Variants in MAPKAP1 observed in about 807,000 individuals in gnomAD.
MAPKAP1 encodes MAPK associated protein 1.
A neutral mutation model predicts 65.7 loss-of-function variants in MAPKAP1; 20 were observed. That is an observed-to-expected ratio of 0.30 (90% CI 0.21 to 0.44). The LOEUF is 0.44. Among genes scored for constraint, MAPKAP1 ranks in the 20% least tolerant of loss-of-function variants. The pLI, the probability that MAPKAP1 is intolerant of heterozygous loss-of-function variation, is 1.00. For synonymous variants in MAPKAP1, 222 were observed against 244.3 expected (o/e 0.91, Z 0.85); for missense variants, 423 against 648.0 (o/e 0.65, Z 3.77).
At chr9:125,608,295 A>G (rs1832499016) in intron 4 of MAPKAP1, among the ~76,000 whole-genome samples, 1 of 152,152 alleles carries the variant, frequency 6.6e-6, no homozygotes, top group African/African-American at 2.4e-5. Flanking sequence ...TGTTAGTCTG[A>G]TCATTTATTT....
intron 4 of MAPKAP1, among the ~76,000 whole-genome samples, chr9:125,628,921 A>G (rs562669081): frequency 2.6e-5 from 4 of 152,134 alleles, no homozygotes; most frequent in Non-Finnish European, 5.9e-5. Flanking sequence ...TAAAATGGGC[A>G]AAGGACTTGC....
chr9:125,505,803 A>G (rs1204808919), intron 8 of MAPKAP1: 1 of 168,072 alleles, frequency 5.9e-6, no homozygotes, highest in African/African-American at 2.4e-5. Flanking sequence ...CAGTGGGAGT[A>G]TGGAGGAGAG....
intron 5 of MAPKAP1, among the ~76,000 whole-genome samples, chr9:125,566,468 G>A (rs1410170192): frequency 6.6e-6 from 1 of 152,176 alleles, no homozygotes; most frequent in Non-Finnish European, 1.5e-5. Context: ...AGGAGGTGAA[G>A]TGCGAGGATA....
At chr9:125,476,398 G>A (rs1288713941) in intron 9 of MAPKAP1, among the ~76,000 whole-genome samples, 3 of 152,136 alleles carry the variant, frequency 2.0e-5, no homozygotes, top group Middle Eastern at 3.4e-3. Context: ...TGTGACGCAC[G>A]CCTCCTCCTG....
At chr9:125,605,728 TGTTCTCCTTA>T (rs1192547980) in intron 4 of MAPKAP1, among the ~76,000 whole-genome samples, 2 of 152,190 alleles carry the variant, frequency 1.3e-5, no homozygotes, top group Non-Finnish European at 1.5e-5. Context: ...TCAGAAAAGA[TGTTCTCCTTA>T]ATTATTCTCC....
In MAPKAP1 at chr9:125,542,973, C is replaced by G. The variant is rs78809014; in HGVS notation, c.958+86G>C. On this transcript the variant is annotated intron_variant, in intron 7 of 11. Coordinates refer to ENST00000265960, the MANE Select transcript of MAPKAP1 (RefSeq NM_001006617.3). ...AGCAATGACATCTGAAAGAATCTAGCCAGCCATCACACACACACACCCCCT... is the reference window on the plus strand; with the variant it reads ...AGCAATGACATCTGAAAGAATCTAGGCAGCCATCACACACACACACCCCCT... 3.4e-3 allele frequency: 3,126 copies of G among 909,904 alleles called. 63 individuals carry two copies. In the East Asian group the frequency reaches 0.039, roughly 11 times the overall value. The allele number at this position is 909,904 out of a possible 1,614,324, so 56.4% of individuals were successfully genotyped here.
intron 7 of MAPKAP1, among the ~76,000 whole-genome samples, chr9:125,518,098 T>C (rs1017937446): frequency 6.6e-6 from 1 of 152,236 alleles, no homozygotes; most frequent in Non-Finnish European, 1.5e-5. Context: ...ATCTACTTCT[T>C]CTAGCTAATA....
intron 1 of MAPKAP1, among the ~76,000 whole-genome samples, chr9:125,673,966 T>C (rs62567182): frequency 3.2e-5 from 3 of 94,112 alleles, no homozygotes; most frequent in Non-Finnish European, 5.0e-5. Context: ...AAACAAAACA[T>C]ACAAAAAACA....
At chr9:125,538,349 A>G (rs1015429968) in intron 7 of MAPKAP1, among the ~76,000 whole-genome samples, 3 of 152,204 alleles carry the variant, frequency 2.0e-5, no homozygotes, top group African/African-American at 7.2e-5. Context: ...AAATGGATTC[A>G]GGATATATTC....
intron 1 of MAPKAP1, among the ~76,000 whole-genome samples, chr9:125,701,191 C>T (rs1037722744): frequency 3.9e-5 from 6 of 152,208 alleles, no homozygotes; most frequent in Non-Finnish European, 8.8e-5. Flanking sequence ...AATTTCTCTG[C>T]TGAAATGGTA....
chr9:125,568,647 T>C (rs1000420856), intron 5 of MAPKAP1: 3 of 152,318 alleles, frequency 2.0e-5, no homozygotes, highest in African/African-American at 7.2e-5. Flanking sequence ...AGGGCAAATT[T>C]AAGCCTTGCC....
intron 9 of MAPKAP1, among the ~76,000 whole-genome samples, chr9:125,481,052 A>C (rs1854298431): frequency 6.6e-6 from 1 of 151,884 alleles, no homozygotes; most frequent in Middle Eastern, 3.2e-3. Context: ...AAAGGTAAAC[A>C]TTATTATCCC....
chr9:125,618,341 CAAAAAAAAAAAAAAAAA>C (rs60166871), intron 4 of MAPKAP1, among the ~76,000 whole-genome samples: 11 of 31,194 alleles, frequency 3.5e-4, no homozygotes, highest in African/African-American at 8.6e-4. Context: ...GGCTCCGTCT[CAAAAAAAAAAAAAAAAA>C]AAAAAAAAAA....
At chr9:125,607,011 ATCTT>A (rs1302142056) in intron 4 of MAPKAP1, among the ~76,000 whole-genome samples, 4 of 152,200 alleles carry the variant, frequency 2.6e-5, no homozygotes, top group African/African-American at 9.7e-5. Context: ...AAGTCTGTTC[ATCTT>A]TCTAAGCCTC....
At chr9:125,610,744 T>C (rs1451051001) in intron 4 of MAPKAP1, among the ~76,000 whole-genome samples, 2 of 152,230 alleles carry the variant, frequency 1.3e-5, no homozygotes, top group East Asian at 1.9e-4. Flanking sequence ...TTCGTATTAT[T>C]TGATGGACCA....
chr9:125,589,727 T>G lies in MAPKAP1; in HGVS notation c.499-4000A>C, dbSNP rs563994550. 5.7e-4 allele frequency among the ~76,000 whole-genome samples: 87 copies of G among 152,332 alleles called. 1 individual carries two copies. In the South Asian group the frequency reaches 0.017, roughly 29 times the overall value. On this transcript the variant is annotated intron_variant, in intron 4 of 11. Transcript: ENST00000265960. ...TTGCACACAACCCAGCATCCATCAT[T>G]AGATTGACTGATTTTATTCCCTCAG...
intron 5 of MAPKAP1, among the ~76,000 whole-genome samples, chr9:125,561,569 A>G (rs1334499390): frequency 6.6e-6 from 1 of 152,188 alleles, no homozygotes; most frequent in African/African-American, 2.4e-5. Flanking sequence ...CAGAACAATT[A>G]GAGAGGCAAA....
At chr9:125,574,146 C>T (rs770520551) in intron 5 of MAPKAP1, among the ~76,000 whole-genome samples, 5 of 152,200 alleles carry the variant, frequency 3.3e-5, no homozygotes, top group Non-Finnish European at 5.9e-5. Flanking sequence ...TCTTCCCCAA[C>T]AAACTGTGCA....
chr9:125,534,426 T>C (rs1330659343), intron 7 of MAPKAP1, among the ~76,000 whole-genome samples: 3 of 152,252 alleles, frequency 2.0e-5, no homozygotes, highest in Non-Finnish European at 4.4e-5. Context: ...AGATCAAAGC[T>C]ATTTCAATTC....
Sources: allele counts gnomAD v4.1 joint callset (sites outside exome capture counted in the v4.1 genomes callset), GRCh38; gene constraint gnomAD v4.1.1; transcripts MANE v1.5; gene names NCBI Gene and HGNC (gene_info 2026-07-23, HGNC 2026-07-21).